KMT2C: variants seen among roughly 807,000 people sequenced by gnomAD.
KMT2C encodes the protein lysine methyltransferase 2C.
KMT2C carries 88 observed loss-of-function variants against 507.9 expected under a neutral mutation model. The ratio of observed to expected loss-of-function variants is 0.17; its 90% CI spans 0.15 to 0.21. KMT2C has a LOEUF of 0.21. Ranked by LOEUF, KMT2C falls within the 10% of genes least tolerant of loss-of-function variation. The pLI is 1.00. For synonymous variants in KMT2C, 2,049 were observed against 2,080.8 expected (o/e 0.98, Z 0.42); for missense variants, 4,954 against 5,957.8 (o/e 0.83, Z 5.55).
At chr7:152,377,670 G>C (rs2097339569) in intron 1 of KMT2C, among the ~76,000 whole-genome samples, 1 of 150,624 alleles carries the variant, frequency 6.6e-6, no homozygotes, top group African/African-American at 2.5e-5. Flanking sequence ...AGGAGGCAGA[G>C]GTTGCACTAA....
At chr7:152,187,118 T>C (rs1419935690) in intron 33 of KMT2C, 144 bp downstream of exon 33, 4 of 652,474 alleles carry the variant, frequency 6.1e-6, no homozygotes, top group Non-Finnish European at 1.1e-5. Flanking sequence ...TGCAAGATGT[T>C]TCTAGACATC....
intron 6 of KMT2C, among the ~76,000 whole-genome samples, chr7:152,302,634 C>T (rs181758266): frequency 6.6e-6 from 1 of 152,178 alleles, no homozygotes; most frequent in African/African-American, 2.4e-5. Flanking sequence ...CTTTCCCTTT[C>T]CTTCTTTCAT....
At chr7:152,352,333 C>T (rs1219232166) in intron 2 of KMT2C, among the ~76,000 whole-genome samples, 2 of 152,216 alleles carry the variant, frequency 1.3e-5, no homozygotes, top group Non-Finnish European at 2.9e-5. Flanking sequence ...CCCGAAACTT[C>T]ATTACCAATT....
chr7:152,358,881 T>C (rs1022497754), intron 1 of KMT2C, among the ~76,000 whole-genome samples: 1 of 152,212 alleles, frequency 6.6e-6, no homozygotes, highest in African/African-American at 2.4e-5. Flanking sequence ...ATACTCTAAA[T>C]GTGAGGACAG....
intron 1 of KMT2C, among the ~76,000 whole-genome samples, chr7:152,364,884 G>A (rs1427448267): frequency 3.3e-5 from 5 of 150,198 alleles, no homozygotes; most frequent in Non-Finnish European, 7.4e-5. Flanking sequence ...TTTAAAAGCT[G>A]TATTATTATA....
intron 23 of KMT2C, among the ~76,000 whole-genome samples, chr7:152,215,802 G>A (rs566329159): frequency 6.6e-6 from 1 of 151,824 alleles, no homozygotes; most frequent in South Asian, 2.1e-4. Flanking sequence ...AAACCTCTGA[G>A]GTTTCTGGAG....
intron 2 of KMT2C, among the ~76,000 whole-genome samples, chr7:152,336,306 T>C (rs963402061): frequency 8.5e-5 from 13 of 152,202 alleles, no homozygotes; most frequent in African/African-American, 3.1e-4. Flanking sequence ...TGTTAGATCT[T>C]AGTATCTGTC....
At chr7:152,343,994 T>TA (rs34400785) in intron 2 of KMT2C, among the ~76,000 whole-genome samples, 13 of 151,610 alleles carry the variant, frequency 8.6e-5, no homozygotes, top group Non-Finnish European at 1.3e-4. Flanking sequence ...GATAAAATTT[T>TA]AAAAAAAAAC....
intron 1 of KMT2C, among the ~76,000 whole-genome samples, chr7:152,365,866 G>A (rs1412049341): frequency 1.3e-5 from 2 of 152,148 alleles, no homozygotes; most frequent in Non-Finnish European, 2.9e-5. Context: ...TGTGCCTGTA[G>A]TCCTGGGTAC....
chr7:152,305,907 AAG>A (rs1224740957), intron 6 of KMT2C, among the ~76,000 whole-genome samples: 5 of 152,178 alleles, frequency 3.3e-5, no homozygotes, highest in Non-Finnish European at 1.5e-5. Flanking sequence ...GTTGGAGACC[AAG>A]ATCTAAGCAC....
At chr7:152,391,897 G>A (rs2097502029) in intron 1 of KMT2C, among the ~76,000 whole-genome samples, 5 of 152,102 alleles carry the variant, frequency 3.3e-5, no homozygotes. Context: ...TTGAGTCTCA[G>A]ATCTGGAAAA....
chr7:152,362,218 G>T (rs933628785), intron 1 of KMT2C, among the ~76,000 whole-genome samples: 3 of 152,172 alleles, frequency 2.0e-5, no homozygotes, highest in African/African-American at 7.2e-5. Context: ...CAGAACTGAA[G>T]ATGAAGCAAA....
chr7:152,248,342 T>C lies in KMT2C; in HGVS notation c.2092A>G (p.Thr698Ala). ...VMESVTLPLETLVSPHEESIS... is the reference protein window; with the variant it reads ...VMESVTLPLEALVSPHEESIS... The stretch of plus-strand genomic sequence containing the variant: ...CTTTCCTCATGTGGGGACACTAAGG[T>C]TTCTAGTGGAAGAGTGACAGATTCC... Residue 698 changes from threonine to alanine, a missense_variant, in exon 14 of 59, where the codon ACC becomes GCC. This residue lies in a region of KMT2C where 376 missense variants were observed against 352.4 expected (regional missense o/e 1.07). Coordinates refer to ENST00000262189, the MANE Select transcript of KMT2C (RefSeq NM_170606.3). 1 of 1,613,854 alleles carries C rather than the reference T, an allele frequency of 6.2e-7. No individual in the cohort carries two copies. The highest frequency in any genetic ancestry group is 8.5e-7 in the Non-Finnish European group (1 of 1,179,848).
intron 1 of KMT2C, among the ~76,000 whole-genome samples, chr7:152,382,268 AACTTATAGGGAAACCAG>A (rs1372211418): frequency 9.8e-5 from 15 of 152,326 alleles, no homozygotes; most frequent in Non-Finnish European, 1.5e-5. Context: ...GTAAGAAATC[AACTTATAGGGAAACCAG>A]ATCTAGCCAT....
intron 6 of KMT2C, among the ~76,000 whole-genome samples, chr7:152,296,227 A>G (rs1254410731): frequency 6.6e-6 from 1 of 151,444 alleles, no homozygotes; most frequent in Admixed American, 6.6e-5. Flanking sequence ...TCAGGAGTTC[A>G]AGACTAGCCT....
rs1405586437 is a variant in KMT2C at position 152,183,126 on chromosome 7, G to A, written c.5113C>T (p.Arg1705Cys). 4.4e-6 allele frequency: 7 copies of A among 1,597,596 alleles called. No homozygotes were observed. Among genetic ancestry groups the A allele is most frequent in the African/African-American group, 1.4e-5 (1 of 73,890 alleles). ...QKARDNRAAL[R>C]INKVQMSNDS... ...TTTGACATCTGTACTTTATTAATGC[G>A]TAAAGCAGCTCTGTTATCTCTGGCT... The change falls in exon 35 of 59, where the codon CGC becomes TGC. Residue 1705 changes from arginine (R) to cysteine (C), a missense_variant. Coordinates refer to ENST00000262189, the MANE Select transcript of KMT2C (RefSeq NM_170606.3).
In KMT2C at chr7:152,248,401, G is replaced by T. The variant is rs747633286; in HGVS notation, c.2033C>A (p.Ser678Tyr). Residue 678 changes from serine to tyrosine, a missense_variant, in exon 14 of 59, where the codon TCC (serine) becomes TAC (tyrosine). By Grantham distance (144) the Ser-to-Tyr change is moderately radical. Transcript: ENST00000262189. ...QLLEEPETVV[S>Y]REESRPPKLV... ...TTTTGGAGGCCTTGATTCTTCTCTG[G>T]ATACCACTGTTTCAGGTTCCTCTAA... The T allele has an allele frequency of 1.9e-6, 3 of 1,614,010 alleles. No individual in the cohort carries two copies. Among genetic ancestry groups the T allele is most frequent in the South Asian group, 2.2e-5 (2 of 91,064 alleles).
chr7:152,325,139 T>C (rs1459485436), intron 3 of KMT2C, among the ~76,000 whole-genome samples: 1 of 151,944 alleles, frequency 6.6e-6, no homozygotes, highest in Admixed American at 6.6e-5. Flanking sequence ...AGTATAGTGG[T>C]ATTAATCAAT....
At chr7:152,351,046 GC>G (rs1410777835) in intron 2 of KMT2C, among the ~76,000 whole-genome samples, 1 of 152,022 alleles carries the variant, frequency 6.6e-6, no homozygotes, top group Non-Finnish European at 1.5e-5. Flanking sequence ...TCCACATTTT[GC>G]CCTGCTGGAA....
Sources: allele counts gnomAD v4.1 joint callset (sites outside exome capture counted in the v4.1 genomes callset), GRCh38; gene constraint gnomAD v4.1.1; regional missense constraint gnomAD v4.1.1; transcripts MANE v1.5; gene names NCBI Gene and HGNC (gene_info 2026-07-23, HGNC 2026-07-21).